BRSK2: variants seen among roughly 807,000 people sequenced by gnomAD.
The protein encoded by BRSK2 is serine/threonine-protein kinase BRSK2.
Under a neutral mutation model 83.3 loss-of-function variants are expected in BRSK2, and 19 were observed. The observed-to-expected ratio is 0.23, with a 90% confidence interval of 0.16 to 0.33. The LOEUF is 0.33. BRSK2 is among the 10% of genes least tolerant of loss of function. The pLI, the probability that BRSK2 is intolerant of heterozygous loss-of-function variation, is 1.00. For synonymous variants in BRSK2, 519 were observed against 435.4 expected, an observed-to-expected ratio of 1.19 and a Z score of -2.39; for missense variants, 798 against 1,042.3, an observed-to-expected ratio of 0.77 and a Z score of 3.23.
intron 15 of BRSK2, among the ~76,000 whole-genome samples, chr11:1,452,107 G>A (rs551150487): frequency 4.6e-5 from 7 of 152,186 alleles, no homozygotes; most frequent in East Asian, 1.9e-4. Context: ...AGAGAGCGGC[G>A]GTCAGGCTGG....
chr11:1,447,109 T>C (rs561348371), intron 12 of BRSK2, among the ~76,000 whole-genome samples: 64 of 152,040 alleles, frequency 4.2e-4, no homozygotes, highest in African/African-American at 1.5e-3. Context: ...GCTTCCAACG[T>C]GGGGTCCCAG....
In BRSK2 at chr11:1,454,682, T is replaced by G. The variant is rs1273889607; in HGVS notation, c.1668+74T>G. 2 of 1,571,906 alleles carry G rather than the reference T, an allele frequency of 1.3e-6. No individual in the cohort carries two copies. Among genetic ancestry groups the G allele is most frequent in the South Asian group, 1.1e-5 (1 of 88,872 alleles). The stretch of plus-strand genomic sequence containing the variant: ...ACGGCCCAGCCCCGAGAATCCAGCC[T>G]CCTCACGTAGACAGGACATGTCCAC... On this transcript the variant is annotated intron_variant, in intron 16 of 19. Coordinates refer to ENST00000528841, the MANE Select transcript of BRSK2 (RefSeq NM_001256627.2). The surrounding 1 kb of genome is among the most constrained non-coding windows in gnomAD (Gnocchi z 5.2).
At position 1,460,913 on chromosome 11, in the gene BRSK2, T is replaced by TCTGTCTCTGCCTCTGC; in HGVS notation, c.*200_*215dup. 1.2e-6 allele frequency: 2 copies of TCTGTCTCTGCCTCTGC among 1,611,002 alleles called. No individual in the cohort carries two copies. Among genetic ancestry groups the TCTGTCTCTGCCTCTGC allele is most frequent in the Non-Finnish European group, 1.7e-6 (2 of 1,178,998 alleles). On this transcript the variant is annotated 3_prime_UTR_variant, in exon 20 of 20. Coordinates refer to ENST00000528841, the MANE Select transcript of BRSK2 (RefSeq NM_001256627.2). Reference sequence around the variant, plus strand: ...CCACCCGCGCCCGCTCTCTTTTCTCTCTGTCTCTGCCTCTGCCTGTCTCTG... The same window carrying TCTGTCTCTGCCTCTGC: ...CCACCCGCGCCCGCTCTCTTTTCTCTCTGTCTCTGCCTCTGCCTGTCTCTGCCTCTGCCTGTCTCTG...
Position 1,456,428 on chromosome 11 carries a change from C to A in BRSK2, c.1749C>A (p.Phe583Leu). The change falls in exon 17 of 20, where the codon TTC (phenylalanine) becomes TTA (leucine). Residue 583 changes from phenylalanine (F) to leucine (L), a missense_variant. Phe to Leu is a conservative substitution (Grantham distance 22, BLOSUM62 0). Around this residue, in one of 6 missense-constraint regions of BRSK2, gnomAD observed 455 missense variants for 455.2 expected, o/e 1.00. Transcript: ENST00000528841. ...EYKATGGPAVFQKPVKFQVDI... is the reference protein window; with the variant it reads ...EYKATGGPAVLQKPVKFQVDI... Reference sequence around the variant, plus strand: ...AGGCCACGGGGGGGCCAGCCGTGTTCCAGAAGCCGGTCAAGTTCCAGGTTG... The same window carrying A: ...AGGCCACGGGGGGGCCAGCCGTGTTACAGAAGCCGGTCAAGTTCCAGGTTG... 6.3e-7 allele frequency: 1 copy of A among 1,596,020 alleles called. No individual in the cohort carries two copies. The highest frequency in any genetic ancestry group is 1.3e-5 in the African/African-American group (1 of 74,382).
At chr11:1,443,075 C>G in intron 5 of BRSK2, 31 bp from the exon 6 acceptor site, 1 of 1,527,386 alleles carries the variant, frequency 6.5e-7, no homozygotes, top group South Asian at 1.2e-5. Flanking sequence ...GCGCCCGGAG[C>G]CCCGCCGCTG....
At position 1,423,528 on chromosome 11, in the gene BRSK2, A is replaced by G. The variant is rs1848836537; in HGVS notation, c.92-12512A>G. On this transcript the variant is annotated intron_variant, in intron 1 of 19. Coordinates refer to ENST00000528841, the MANE Select transcript of BRSK2 (RefSeq NM_001256627.2). The surrounding 1 kb of genome is among the most constrained non-coding windows in gnomAD (Gnocchi z 6.5). ...CGGCCCACAGTCGTGTGAGCAGAGG[A>G]CGGCACTCGCGAGCTCCCTGGGGCT... Among the ~76,000 whole-genome samples the G allele has an allele frequency of 6.6e-6, 1 of 152,008 alleles. No individual in the cohort carries two copies. Among genetic ancestry groups the G allele is most frequent in the African/African-American group, 2.4e-5 (1 of 41,346 alleles).
chr11:1,453,600 C>G (rs1251637298), intron 15 of BRSK2, among the ~76,000 whole-genome samples: 1 of 152,192 alleles, frequency 6.6e-6, no homozygotes, highest in East Asian at 1.9e-4. Context: ...GACCTGGTCC[C>G]CGTGCTTGTC....
intron 4 of BRSK2, 58 bp from the exon 5 acceptor site, chr11:1,442,432 C>T (rs932835281): frequency 1.7e-5 from 23 of 1,388,926 alleles, no homozygotes; most frequent in South Asian, 1.4e-4. Flanking sequence ...GTCTCCAGGG[C>T]GGGGAGGCGC....
chr11:1,401,983 G>A (rs922258595), intron 1 of BRSK2, among the ~76,000 whole-genome samples: 6 of 152,186 alleles, frequency 3.9e-5, no homozygotes, highest in Non-Finnish European at 7.4e-5. Context: ...AGATGTGTTC[G>A]GTGCCTCCTG....
chr11:1,446,318 C>T (rs1414968384), intron 12 of BRSK2, among the ~76,000 whole-genome samples: 6 of 148,160 alleles, frequency 4.0e-5, no homozygotes, highest in Admixed American at 1.3e-4. Flanking sequence ...CTAGGCTGCA[C>T]TAGAATGGGC....
At chr11:1,417,181 C>T (rs547384622) in intron 1 of BRSK2, among the ~76,000 whole-genome samples, 73 of 152,110 alleles carry the variant, frequency 4.8e-4, no homozygotes, top group Non-Finnish European at 8.2e-4. Context: ...AAATAAAATG[C>T]GCCCTTTTCC....
rs1464271124 is a variant in BRSK2, at chr11:1,461,282, C to T, written c.*559C>T. 4.0e-6 allele frequency: 2 copies of T among 503,486 alleles called. No individual in the cohort carries two copies. The highest frequency in any genetic ancestry group is 4.6e-5 in the South Asian group (2 of 43,416). 31.2% of individuals were successfully genotyped at this position (503,486 alleles called of 1,614,324 possible). A position where few individuals can be genotyped will look rare whatever the true frequency, so the allele number is the denominator to read the frequency against. On this transcript the variant is annotated 3_prime_UTR_variant, in exon 20 of 20. Coordinates refer to ENST00000528841, the MANE Select transcript of BRSK2 (RefSeq NM_001256627.2). ...CTGGTGGGCAACGTAGCCACAGGAA[C>T]AGGCCCCGTCCACCGCCTCCACGCC...
intron 19 of BRSK2, 37 bp from the exon 20 acceptor site, chr11:1,460,453 CTTTTTTCCTT>C (rs1242704277): frequency 1.4e-5 from 16 of 1,143,986 alleles, no homozygotes; most frequent in South Asian, 2.1e-5. Flanking sequence ...CCTTTTTTTT[CTTTTTTCCTT>C]TTTTTTTTTT....
chr11:1,450,884 C>T lies in BRSK2; in HGVS notation c.1495+90C>T, dbSNP rs1396639460. 5 of 1,272,710 alleles carry T rather than the reference C, an allele frequency of 3.9e-6. No individual in the cohort carries two copies. The South Asian group carries it at 7.6e-5, about 19-fold the overall frequency. 78.8% of individuals were successfully genotyped at this position (1,272,710 alleles called of 1,614,324 possible). The stretch of plus-strand genomic sequence containing the variant: ...CCCCGCCCGGCAGTGCCAGACCAGT[C>T]CGAGGGGCCTGTAGCTGCAGGGGTG... On this transcript the variant is annotated intron_variant, in intron 14 of 19. Coordinates refer to ENST00000528841, the MANE Select transcript of BRSK2 (RefSeq NM_001256627.2).
chr11:1,446,860 G>A (rs1359271411), intron 12 of BRSK2, among the ~76,000 whole-genome samples: 1 of 152,194 alleles, frequency 6.6e-6, no homozygotes, highest in African/African-American at 2.4e-5. Context: ...TGTGATCTGG[G>A]CCTCAGCACC....
At chr11:1,450,177 G>C (rs371113445) in intron 13 of BRSK2, among the ~76,000 whole-genome samples, 1 of 151,620 alleles carries the variant, frequency 6.6e-6, no homozygotes, top group South Asian at 2.1e-4. Flanking sequence ...TGCATGTGCC[G>C]CGCGGCTGCC....
intron 1 of BRSK2, among the ~76,000 whole-genome samples, chr11:1,391,553 C>T (rs2133998324): frequency 6.6e-6 from 1 of 152,296 alleles, no homozygotes; most frequent in Non-Finnish European, 1.5e-5. Flanking sequence ...GGAGCTGCCT[C>T]ACCTTGGGTG....
chr11:1,429,258 CAGGTGTGTGT>C, intron 1 of BRSK2, among the ~76,000 whole-genome samples: 1 of 104,670 alleles, frequency 9.6e-6, no homozygotes, highest in African/African-American at 5.5e-5. Context: ...TGCATGTGCA[CAGGTGTGTGT>C]GCACTCGTGT....
chr11:1,428,787 G>A (rs1158762822), intron 1 of BRSK2, among the ~76,000 whole-genome samples: 2 of 152,112 alleles, frequency 1.3e-5, no homozygotes, highest in African/African-American at 4.8e-5. Context: ...CTGCGGGTGT[G>A]TGTGCATGTG....
Sources: allele counts gnomAD v4.1 joint callset (sites outside exome capture counted in the v4.1 genomes callset), GRCh38; gene constraint gnomAD v4.1.1; regional missense constraint gnomAD v4.1.1; non-coding constraint Gnocchi (gnomAD v3.1); transcripts MANE v1.5; gene names NCBI Gene and HGNC (gene_info 2026-07-23, HGNC 2026-07-21).